The following NRG3 variants were observed in gnomAD, a reference collection of about 807,000 sequenced individuals.
NRG3 encodes pro-neuregulin-3, membrane-bound isoform.
In NRG3, 31 loss-of-function variants were observed where a neutral mutation model predicts 66.9. That is an observed-to-expected ratio of 0.46 (90% CI 0.35 to 0.63). The LOEUF (loss-of-function observed/expected upper bound fraction) is 0.63. NRG3 is among the 20% of genes least tolerant of loss of function. The pLI is 0.00. For missense variants in NRG3, 910 were observed against 878.9 expected (o/e 1.04, Z -0.45); for synonymous variants, 393 against 359.4 (o/e 1.09, Z -1.06).
chr10:82,723,132 C>T (rs1454100312), intron 2 of NRG3, among the ~76,000 whole-genome samples: 1 of 152,116 alleles, frequency 6.6e-6, no homozygotes, highest in Non-Finnish European at 1.5e-5. Flanking sequence ...TGGAATACTA[C>T]ACAGCCATAA....
intron 2 of NRG3, among the ~76,000 whole-genome samples, chr10:82,489,624 G>A (rs2132232957): frequency 6.6e-6 from 1 of 152,310 alleles, no homozygotes; most frequent in East Asian, 1.9e-4. Context: ...GAGCATGCCT[G>A]TTGATTGTGC....
intron 1 of NRG3, among the ~76,000 whole-genome samples, chr10:82,020,182 T>C (rs2061996677): frequency 6.6e-6 from 1 of 152,168 alleles, no homozygotes; most frequent in African/African-American, 2.4e-5. Flanking sequence ...AAATTGTAAA[T>C]TGTGATTTTA....
intron 1 of NRG3, among the ~76,000 whole-genome samples, chr10:82,147,834 A>C (rs1344705313): frequency 6.6e-6 from 1 of 152,224 alleles, no homozygotes; most frequent in African/African-American, 2.4e-5. Context: ...AGGCTTCATT[A>C]GTTCAACCTT....
intron 7 of NRG3, among the ~76,000 whole-genome samples, chr10:82,978,724 A>G (rs1852542198): frequency 6.6e-6 from 1 of 152,204 alleles, no homozygotes; most frequent in African/African-American, 2.4e-5. Context: ...GAAAGCCAGA[A>G]ATCCAGGAAC....
At chr10:81,895,861 C>T (rs1411480285) in intron 1 of NRG3, among the ~76,000 whole-genome samples, 1 of 152,102 alleles carries the variant, frequency 6.6e-6, no homozygotes, top group Non-Finnish European at 1.5e-5. Flanking sequence ...ATCTTATAAA[C>T]CAAGGTGCTG....
intron 2 of NRG3, among the ~76,000 whole-genome samples, chr10:82,665,519 GCT>G (rs1034161593): frequency 2.0e-5 from 3 of 152,010 alleles, no homozygotes; most frequent in African/African-American, 4.8e-5. Context: ...CCATTGCTGT[GCT>G]CTCAGAAAAC....
In NRG3 at chr10:82,264,281, G is replaced by A. The variant is rs573885545; in HGVS notation, c.824-94458G>A. ...CCTCAGGAAATTTACAATCATGGCCGAAGGCACCCTTCACAGGGTGGCAGG... is the reference window on the plus strand; with the variant it reads ...CCTCAGGAAATTTACAATCATGGCCAAAGGCACCCTTCACAGGGTGGCAGG... On this transcript the variant is annotated intron_variant, in intron 1 of 8. Coordinates refer to ENST00000372141, the MANE Select transcript of NRG3 (RefSeq NM_001010848.4). Among the ~76,000 whole-genome samples, 10 of 152,268 alleles carry A rather than the reference G, an allele frequency of 6.6e-5. No homozygotes were observed. The South Asian group carries it at 1.2e-3, about 19-fold the overall frequency.
intron 1 of NRG3, among the ~76,000 whole-genome samples, chr10:82,354,323 G>A (rs965119329): frequency 4.6e-5 from 7 of 151,912 alleles, no homozygotes; most frequent in South Asian, 4.2e-4. Context: ...ACAGGTGTGA[G>A]CCAGAGTGCC....
chr10:82,496,384 T>A, intron 2 of NRG3, among the ~76,000 whole-genome samples: 1 of 152,214 alleles, frequency 6.6e-6, no homozygotes, highest in East Asian at 1.9e-4. Context: ...ATATTCTATT[T>A]CTGGGGGAGT....
intron 4 of NRG3, among the ~76,000 whole-genome samples, chr10:82,909,081 GC>G (rs1370875069): frequency 6.6e-6 from 1 of 152,214 alleles, no homozygotes; most frequent in African/African-American, 2.4e-5. Context: ...GGAAACTGAG[GC>G]CATGCCTTGC....
intron 2 of NRG3, among the ~76,000 whole-genome samples, chr10:82,459,063 G>T (rs1432021908): frequency 1.3e-5 from 2 of 152,156 alleles, no homozygotes; most frequent in African/African-American, 4.8e-5. Flanking sequence ...TGGCAGGGCT[G>T]CTACCAAATA....
At chr10:82,360,638 A>G (rs1214115980) in intron 2 of NRG3, among the ~76,000 whole-genome samples, 1 of 152,156 alleles carries the variant, frequency 6.6e-6, no homozygotes, top group Admixed American at 6.5e-5. Flanking sequence ...GAGTGTATGA[A>G]TTTGCTAGGA....
intron 2 of NRG3, among the ~76,000 whole-genome samples, chr10:82,698,532 T>A (rs140812314): frequency 4.7e-4 from 72 of 152,318 alleles, no homozygotes; most frequent in African/African-American, 1.7e-3. Flanking sequence ...TTTATTGATC[T>A]ACGTAAGCCC....
intron 2 of NRG3, among the ~76,000 whole-genome samples, chr10:82,556,187 T>C (rs1002776145): frequency 6.6e-6 from 1 of 152,120 alleles, no homozygotes; most frequent in East Asian, 1.9e-4. Context: ...ACAATCTAAC[T>C]TGAAGCCTAT....
At chr10:82,148,789 T>C (rs945911528) in intron 1 of NRG3, among the ~76,000 whole-genome samples, 6 of 152,128 alleles carry the variant, frequency 3.9e-5, no homozygotes, top group African/African-American at 1.4e-4. Context: ...GATGCCTTTT[T>C]TTCTCCTGGC....
chr10:82,755,255 A>T (rs1057197703), intron 3 of NRG3, among the ~76,000 whole-genome samples: 2 of 152,120 alleles, frequency 1.3e-5, no homozygotes, highest in African/African-American at 4.8e-5. Flanking sequence ...CTTGTTCCAA[A>T]CACACAAATT....
chr10:82,590,407 C>T (rs903167952), intron 2 of NRG3, among the ~76,000 whole-genome samples: 2 of 151,936 alleles, frequency 1.3e-5, no homozygotes, highest in Admixed American at 6.6e-5. Flanking sequence ...TAAGAAGGCC[C>T]CTAGGTGGAG....
intron 2 of NRG3, among the ~76,000 whole-genome samples, chr10:82,619,598 T>C (rs1338995936): frequency 1.3e-5 from 2 of 152,218 alleles, no homozygotes; most frequent in Middle Eastern, 6.3e-3. Flanking sequence ...GGATAAATTG[T>C]GTTTCCTAAA....
chr10:82,418,458 G>GTTTATGCAAATTAACC (rs58367470), intron 2 of NRG3, among the ~76,000 whole-genome samples: 2 of 152,082 alleles, frequency 1.3e-5, no homozygotes, highest in African/African-American at 2.4e-5. Context: ...TTATGCAAAT[G>GTTTATGCAAATTAACC]AAAAGAGGAG....
Sources: gnomAD v4.1 joint callset for allele counts (sites outside exome capture counted in the v4.1 genomes callset) on GRCh38, gnomAD v4.1.1 for gene constraint, MANE v1.5 for transcripts, NCBI Gene and HGNC (gene_info 2026-07-23, HGNC 2026-07-21) for gene names.